ROBO2: variants seen among roughly 807,000 people sequenced by gnomAD.
ROBO2 encodes the protein roundabout homolog 2.
A neutral mutation model predicts 160.8 loss-of-function variants in ROBO2; 53 were observed. The ratio of observed to expected loss-of-function variants is 0.33; its 90% CI spans 0.26 to 0.41. The LOEUF (loss-of-function observed/expected upper bound fraction) is 0.41. ROBO2 is among the 10% of genes least tolerant of loss of function. The pLI is 1.00. For synonymous variants in ROBO2, 664 were observed against 611.7 expected (o/e 1.09, Z -1.26); for missense variants, 1,577 against 1,722.4 (o/e 0.92, Z 1.49).
chr3:76,273,711 A>T (rs1230903633), intron 2 of ROBO2, among the ~76,000 whole-genome samples: 1 of 152,146 alleles, frequency 6.6e-6, no homozygotes, highest in African/African-American at 2.4e-5. Flanking sequence ...CTCACTCACG[A>T]TCATGAGCAG....
At chr3:77,541,563 A>G (rs1222769627) in intron 6 of ROBO2, among the ~76,000 whole-genome samples, 1 of 152,168 alleles carries the variant, frequency 6.6e-6, no homozygotes, top group Non-Finnish European at 1.5e-5. Flanking sequence ...ACCTTTTTAT[A>G]TTTGGGTCTA....
chr3:77,558,399 A>C (rs952511932), intron 9 of ROBO2, among the ~76,000 whole-genome samples: 2 of 152,148 alleles, frequency 1.3e-5, no homozygotes, highest in Admixed American at 6.6e-5. Flanking sequence ...ATATGTATAC[A>C]GTCAACAAAT....
At chr3:77,384,969 T>A (rs2073946057) in intron 2 of ROBO2, among the ~76,000 whole-genome samples, 1 of 152,156 alleles carries the variant, frequency 6.6e-6, no homozygotes, top group Non-Finnish European at 1.5e-5. Flanking sequence ...ACAAAAACAC[T>A]CTGGCTCTGT....
chr3:77,241,128 G>T (rs2088973924), intron 2 of ROBO2, among the ~76,000 whole-genome samples: 1 of 152,110 alleles, frequency 6.6e-6, no homozygotes, highest in African/African-American at 2.4e-5. Flanking sequence ...AGAAATCTCT[G>T]TACTTTTTCA....
chr3:76,071,270 A>G (rs1213270314), intron 2 of ROBO2, among the ~76,000 whole-genome samples: 1 of 152,202 alleles, frequency 6.6e-6, no homozygotes, highest in Non-Finnish European at 1.5e-5. Context: ...ATTCCCACAA[A>G]ACACTTTTGG....
At chr3:77,467,587 GTATCTATCTATCTATCTATCTATC>G (rs59640984) in intron 2 of ROBO2, among the ~76,000 whole-genome samples, 1 of 148,136 alleles carries the variant, frequency 6.8e-6, no homozygotes, top group Non-Finnish European at 1.5e-5. Context: ...CTATCTGTCT[GTATCTATCTATCTATCTATCTATC>G]TATCTATCTA....
At chr3:77,392,679 A>G (rs905953888) in intron 2 of ROBO2, among the ~76,000 whole-genome samples, 17 of 152,206 alleles carry the variant, frequency 1.1e-4, no homozygotes, top group Non-Finnish European at 2.2e-4. Flanking sequence ...TTGTTCGAAC[A>G]TGAGTCTGAC....
At chr3:77,420,498 G>A (rs2077621143) in intron 2 of ROBO2, among the ~76,000 whole-genome samples, 1 of 152,132 alleles carries the variant, frequency 6.6e-6, no homozygotes, top group African/African-American at 2.4e-5. Flanking sequence ...CCTTCTGGGA[G>A]TGGTTGCTCT....
intron 2 of ROBO2, among the ~76,000 whole-genome samples, chr3:76,017,662 A>G (rs946417878): frequency 2.6e-5 from 4 of 152,076 alleles, no homozygotes; most frequent in African/African-American, 4.8e-5. Flanking sequence ...TAGGTAATTT[A>G]TATACATACC....
intron 2 of ROBO2, among the ~76,000 whole-genome samples, chr3:76,975,443 T>A (rs2059770063): frequency 6.6e-6 from 1 of 152,168 alleles, no homozygotes; most frequent in Admixed American, 6.5e-5. Context: ...AGGTGGAGGC[T>A]GCAGTGAGCC....
intron 2 of ROBO2, among the ~76,000 whole-genome samples, chr3:75,979,313 A>C (rs2065215914): frequency 6.6e-6 from 1 of 151,536 alleles, no homozygotes. Flanking sequence ...ATACACACAT[A>C]TATAGAGAGA....
intron 2 of ROBO2, among the ~76,000 whole-genome samples, chr3:76,817,809 A>G (rs928245595): frequency 1.3e-5 from 2 of 149,774 alleles, no homozygotes; most frequent in African/African-American, 4.9e-5. Context: ...GGTTAATGCA[A>G]ATGCCATTAT....
chr3:75,972,019 A>C (rs1344020886), intron 2 of ROBO2, among the ~76,000 whole-genome samples: 2 of 151,668 alleles, frequency 1.3e-5, no homozygotes, highest in African/African-American at 4.8e-5. Context: ...TGTGCTTAGA[A>C]AAGTGAGATT....
intron 2 of ROBO2, among the ~76,000 whole-genome samples, chr3:76,132,916 G>A (rs899692653): frequency 8.5e-5 from 13 of 152,222 alleles, no homozygotes; most frequent in African/African-American, 2.4e-4. Flanking sequence ...TTAAAATCAC[G>A]GATGCTGGAG....
At chr3:77,159,740 A>G (rs1235618890) in intron 2 of ROBO2, among the ~76,000 whole-genome samples, 1 of 152,172 alleles carries the variant, frequency 6.6e-6, no homozygotes, top group African/African-American at 2.4e-5. Flanking sequence ...GCTCATATAA[A>G]CATATTGAAA....
chr3:76,211,227 T>C (rs908170864), intron 2 of ROBO2, among the ~76,000 whole-genome samples: 2 of 152,098 alleles, frequency 1.3e-5, no homozygotes, highest in African/African-American at 4.8e-5. Context: ...TCCATTTCTT[T>C]AGCAAAGATG....
At chr3:77,103,206 G>C (rs1038140231) in intron 2 of ROBO2, among the ~76,000 whole-genome samples, 2 of 152,158 alleles carry the variant, frequency 1.3e-5, no homozygotes, top group Non-Finnish European at 2.9e-5. Context: ...GATGACAGCA[G>C]CTTGATCTAT....
At chr3:77,369,500 T>C (rs4683972) in intron 2 of ROBO2, among the ~76,000 whole-genome samples, 62,905 of 151,988 alleles carry the variant, frequency 0.41, 13,206 homozygotes, top group African/African-American at 0.46. Context: ...AGCAGGTATG[T>C]GGATGTAGGC....
intron 2 of ROBO2, among the ~76,000 whole-genome samples, chr3:76,057,375 G>T (rs1364368262): frequency 6.6e-6 from 1 of 152,146 alleles, no homozygotes; most frequent in African/African-American, 2.4e-5. Context: ...GCTTAGAGAT[G>T]TTAACATTTA....
Sources: allele counts gnomAD v4.1 joint callset (sites outside exome capture counted in the v4.1 genomes callset), GRCh38; gene constraint gnomAD v4.1.1; transcripts MANE v1.5; gene names NCBI Gene and HGNC (gene_info 2026-07-23, HGNC 2026-07-21).